The following PPFIBP2 variants were observed in gnomAD, a reference collection of about 807,000 sequenced individuals.
PPFIBP2 encodes the protein liprin-beta-2.
PPFIBP2 carries 118 observed loss-of-function variants against 118.3 expected under a neutral mutation model. That is an observed-to-expected ratio of 1.00 (90% CI 0.86 to 1.16). The LOEUF is 1.16. PPFIBP2 is among the 50% of genes most tolerant of loss of function. PPFIBP2 has a pLI of 0.00. For missense variants in PPFIBP2, 1,195 were observed against 1,073.1 expected (o/e 1.11, Z -1.59); for synonymous variants, 414 against 397.4 (o/e 1.04, Z -0.50).
chr11:7,599,101 C>CT (rs377240276), intron 5 of PPFIBP2, among the ~76,000 whole-genome samples: 1,584 of 142,176 alleles, frequency 0.011, 25 homozygotes, highest in African/African-American at 0.036. Context: ...GGAATTGAGG[C>CT]TTTTTTTTTT....
At chr11:7,644,670 A>G (rs1565116116) in intron 17 of PPFIBP2, among the ~76,000 whole-genome samples, 1 of 152,154 alleles carries the variant, frequency 6.6e-6, no homozygotes, top group Non-Finnish European at 1.5e-5. Context: ...GAGCCCTTCC[A>G]GGGTCCAGAG....
intron 1 of PPFIBP2, among the ~76,000 whole-genome samples, chr11:7,523,969 T>C (rs1052006676): frequency 1.4e-4 from 21 of 152,214 alleles, no homozygotes; most frequent in African/African-American, 5.1e-4. Context: ...GCTGGGCCTC[T>C]CACTCTGACC....
chr11:7,521,915 G>A (rs1452395690), intron 1 of PPFIBP2, among the ~76,000 whole-genome samples: 1 of 152,184 alleles, frequency 6.6e-6, no homozygotes, highest in Non-Finnish European at 1.5e-5. Context: ...GGGGTTGGGT[G>A]GACACTGGGA....
chr11:7,660,172 C>A (rs1394147374), downstream of PPFIBP2, among the ~76,000 whole-genome samples: 31 of 127,764 alleles, frequency 2.4e-4, 2 homozygotes, highest in African/African-American at 7.1e-4. Context: ...CTGGCCAGAA[C>A]TTCCAACACT....
chr11:7,526,290 C>G (rs1850219845), intron 1 of PPFIBP2, among the ~76,000 whole-genome samples: 1 of 152,308 alleles, frequency 6.6e-6, no homozygotes, highest in African/African-American at 2.4e-5. Context: ...AGAAAAGGCT[C>G]TCTGGGGATC....
intron 3 of PPFIBP2, among the ~76,000 whole-genome samples, chr11:7,584,525 T>C (rs1377946655): frequency 6.6e-6 from 1 of 152,176 alleles, no homozygotes; most frequent in Non-Finnish European, 1.5e-5. Context: ...GCTTGACCGT[T>C]CTTCACCTAG....
Position 7,593,973 on chromosome 11 carries a change from A to T in PPFIBP2, c.372+749A>T, listed in dbSNP as rs1197538198. Among the ~76,000 whole-genome samples, 20 of 152,330 alleles carry T rather than the reference A, an allele frequency of 1.3e-4. No individual in the cohort carries two copies. In the East Asian group the frequency reaches 3.7e-3, roughly 28 times the overall value. ...TCAGATATTAATTAGTGATTTGGAA[A>T]ATATAAAGGCTAGTATCCTAATCCC... On this transcript the variant is annotated intron_variant, in intron 4 of 23. Transcript: ENST00000299492.
intron 1 of PPFIBP2, among the ~76,000 whole-genome samples, chr11:7,521,355 A>G (rs1439926888): frequency 6.6e-6 from 1 of 152,096 alleles, no homozygotes; most frequent in Admixed American, 6.5e-5. Context: ...TGGCATTCAA[A>G]TCTCTACAGT....
At chr11:7,612,935 G>A (rs922277471) in intron 6 of PPFIBP2, among the ~76,000 whole-genome samples, 24 of 152,246 alleles carry the variant, frequency 1.6e-4, no homozygotes, top group African/African-American at 5.8e-4. Context: ...GCATGGAGAT[G>A]TTTATTTTGA....
intron 2 of PPFIBP2, among the ~76,000 whole-genome samples, chr11:7,558,307 G>A (rs1853871957): frequency 6.6e-6 from 1 of 152,172 alleles, no homozygotes; most frequent in African/African-American, 2.4e-5. Context: ...GATACACATG[G>A]TTTCTGTTTA....
rs560537363 is a variant in PPFIBP2, at chr11:7,635,448, G to A, written c.1195-104G>A. The A allele has an allele frequency of 2.8e-4, 308 of 1,094,836 alleles. No individual in the cohort carries two copies. The East Asian group carries it at 5.7e-3, about 20-fold the overall frequency. The allele number at this position is 1,094,836 out of a possible 1,614,324, so 67.8% of individuals were successfully genotyped here. On this transcript the variant is annotated intron_variant, in intron 13 of 23. Transcript: ENST00000299492. ...ATGAAGATGTGGAGGGAGGGGATGC[G>A]CCTTTCAGATTTAAGCAAACAGGTA...
At chr11:7,595,104 A>C (rs1374429581) in intron 4 of PPFIBP2, among the ~76,000 whole-genome samples, 1 of 152,130 alleles carries the variant, frequency 6.6e-6, no homozygotes, top group East Asian at 1.9e-4. Context: ...GGAGAAGTGC[A>C]TTCCAGGCAG....
chr11:7,569,859 C>G (rs544175314), intron 3 of PPFIBP2, among the ~76,000 whole-genome samples: 1 of 152,156 alleles, frequency 6.6e-6, no homozygotes, highest in Admixed American at 6.5e-5. Context: ...TCCTCCTTCT[C>G]TGTTTACTAT....
Position 7,639,785 on chromosome 11 carries a change from A to G in PPFIBP2, c.1290A>G (p.Ser430=). ...ATCCCACTTTACCTGGGAAGCTTTC[A>G]GGAGCCACGCCCAATGGAGAGGCTG... ...HKYPTLPGKL[S]GATPNGEAAK... is the part of the protein sequence containing the mutation. Residue 430 remains serine (S), a synonymous_variant, in exon 15 of 24, where the codon TCA becomes TCG. Transcript: ENST00000299492. 2 of 1,614,168 alleles carry G rather than the reference A, an allele frequency of 1.2e-6. No individual in the cohort carries two copies. Among genetic ancestry groups the G allele is most frequent in the Admixed American group, 1.7e-5 (1 of 60,008 alleles).
At chr11:7,516,971 G>A (rs546483298) in intron 1 of PPFIBP2, among the ~76,000 whole-genome samples, 4 of 152,260 alleles carry the variant, frequency 2.6e-5, no homozygotes, top group East Asian at 3.9e-4. Context: ...TACTTCAGGC[G>A]TGACTTAGGG....
the PPFIBP2 span, chr11:7,666,530 G>T: frequency 6.2e-7 from 1 of 1,613,184 alleles, no homozygotes; most frequent in Non-Finnish European, 8.5e-7. Context: ...GCTCTTTTCT[G>T]ACCAAGATAT....
intron 14 of PPFIBP2, among the ~76,000 whole-genome samples, chr11:7,639,305 T>A (rs1417882582): frequency 6.6e-6 from 1 of 152,212 alleles, no homozygotes; most frequent in African/African-American, 2.4e-5. Context: ...GGATTGTTAT[T>A]TTACATATAT....
At chr11:7,613,986 T>C (rs542325848) in intron 6 of PPFIBP2, among the ~76,000 whole-genome samples, 1 of 152,342 alleles carries the variant, frequency 6.6e-6, no homozygotes, top group African/African-American at 2.4e-5. Flanking sequence ...TCATTTCTTC[T>C]TCCTTGTGGT....
intron 13 of PPFIBP2, 75 bp downstream of exon 13, chr11:7,634,627 C>T: frequency 1.8e-6 from 2 of 1,135,514 alleles, no homozygotes; most frequent in Admixed American, 3.4e-5. Context: ...GATATACAGG[C>T]AGGTCCTGGT....
Sources: allele counts gnomAD v4.1 joint callset (sites outside exome capture counted in the v4.1 genomes callset), GRCh38; gene constraint gnomAD v4.1.1; transcripts MANE v1.5; gene names NCBI Gene and HGNC (gene_info 2026-07-23, HGNC 2026-07-21).